Variants in PCDHGB4 observed in about 807,000 individuals in gnomAD.
PCDHGB4 encodes protocadherin gamma-B4.
A neutral mutation model predicts 60.5 loss-of-function variants in PCDHGB4; 38 were observed. The observed-to-expected ratio is 0.63, with a 90% CI of 0.48 to 0.82. The LOEUF is 0.82. Among genes scored for constraint, PCDHGB4 ranks in the 40% least tolerant of loss-of-function variants. The probability of loss-of-function intolerance (pLI) is 0.00; values close to 1 mark genes in which losing one functional copy is unlikely to be tolerated. For synonymous variants in PCDHGB4, 456 were observed against 509.7 expected, an observed-to-expected ratio of 0.89 and a Z score of 1.42; for missense variants, 1,109 against 1,209.6, an observed-to-expected ratio of 0.92 and a Z score of 1.23.
intron 1 of PCDHGB4, among the ~76,000 whole-genome samples, chr5:141,434,340 G>A (rs2097687601): frequency 6.6e-6 from 1 of 152,150 alleles, no homozygotes; most frequent in Non-Finnish European, 1.5e-5. Context: ...TTTGTGTCGG[G>A]AACAGGCCCC....
chr5:141,389,882 G>A lies in PCDHGB4; in HGVS notation c.1998G>A (p.Leu666=). The A allele has an allele frequency of 6.2e-7, 1 of 1,614,082 alleles. No homozygotes were observed. The highest frequency in any genetic ancestry group is 8.5e-7 in the Non-Finnish European group (1 of 1,179,910). The stretch of plus-strand genomic sequence containing the variant: ...TGCACCTGGTCTTCGCCGACAGCTT[G>A]CAGGAGGTGCTGCCGGATATCACTG... The part of the protein sequence containing the change: ...ATLHLVFADS[L]QEVLPDITDR... Residue 666 remains leucine (L), a synonymous_variant, in exon 1 of 4, where the codon TTG becomes TTA. Coordinates refer to ENST00000519479, the MANE Select transcript of PCDHGB4 (RefSeq NM_003736.4).
At chr5:141,419,567 G>A in intron 1 of PCDHGB4, 1 of 1,611,758 alleles carries the variant, frequency 6.2e-7, no homozygotes, top group Non-Finnish European at 8.5e-7. Context: ...GCTGGGTCCC[G>A]ACGGCTCCGC....
chr5:141,403,202 T>A, intron 1 of PCDHGB4: 4 of 1,613,984 alleles, frequency 2.5e-6, no homozygotes, highest in Non-Finnish European at 3.4e-6. Context: ...CAGCGGCACC[T>A]TGGTCACCGC....
chr5:141,394,077 G>T (rs2092915591), intron 1 of PCDHGB4: 2 of 1,613,828 alleles, frequency 1.2e-6, no homozygotes, highest in Non-Finnish European at 1.7e-6. Context: ...CAATATCACA[G>T]TGATGGCCTC....
At chr5:141,420,672 G>T (rs1478670282) in intron 1 of PCDHGB4, among the ~76,000 whole-genome samples, 1 of 152,296 alleles carries the variant, frequency 6.6e-6, no homozygotes, top group African/African-American at 2.4e-5. Flanking sequence ...CCTACCTGAT[G>T]ATTTTATCGG....
chr5:141,492,911 G>A (rs1008138353), intron 1 of PCDHGB4, among the ~76,000 whole-genome samples: 1 of 152,216 alleles, frequency 6.6e-6, no homozygotes, highest in Admixed American at 6.5e-5. Context: ...TGATCACAAT[G>A]TGCCCAGCGA....
rs142628885 is a variant in PCDHGB4 at position 141,404,093 on chromosome 5, C to T, written c.2397+13812C>T. ...TGACCGAGACTCCGGGAAGAATGGT[C>T]AAGTTGTCTGTTCTATCCAGGAGAA... On this transcript the variant is annotated intron_variant, in intron 1 of 3. Coordinates refer to ENST00000519479, the MANE Select transcript of PCDHGB4 (RefSeq NM_003736.4). The T allele has an allele frequency of 9.4e-5, 152 of 1,613,326 alleles. 2 individuals carry two copies. In the East Asian group the frequency reaches 3.4e-3, roughly 36 times the overall value.
At chr5:141,433,358 CCTATCTATCTATCTATCTAT>C (rs3074541) in intron 1 of PCDHGB4, 19 of 503,934 alleles carry the variant, frequency 3.8e-5, no homozygotes, top group South Asian at 2.3e-4. Flanking sequence ...CTACTGTCTG[CCTATCTATCTATCTATCTAT>C]CTATCTATCT....
At chr5:141,409,511 A>C in intron 1 of PCDHGB4, 1 of 1,614,018 alleles carries the variant, frequency 6.2e-7, no homozygotes, top group Non-Finnish European at 8.5e-7. Flanking sequence ...TTCCAGTAGA[A>C]GCATCACCTT....
chr5:141,511,537 A>G lies in PCDHGB4; in HGVS notation c.*364A>G. 2 of 319,256 alleles carry G rather than the reference A, an allele frequency of 6.3e-6. No individual in the cohort carries two copies. Among genetic ancestry groups the G allele is most frequent in the South Asian group, 3.3e-5 (1 of 29,854 alleles). 19.8% of individuals were successfully genotyped at this position (319,256 alleles called of 1,614,324 possible). A position where few individuals can be genotyped will look rare whatever the true frequency, so the allele number is the denominator to read the frequency against. On this transcript the variant is annotated 3_prime_UTR_variant, in exon 4 of 4. Coordinates refer to ENST00000519479, the MANE Select transcript of PCDHGB4 (RefSeq NM_003736.4). ...TCCATCCCATGCCTCCCTCCTCCCC[A>G]CCCCACTCCAACAGTTCCTCTTTCC... is the stretch of plus-strand genomic sequence containing the variant.
At chr5:141,456,421 A>C (rs1358944131) in intron 1 of PCDHGB4, among the ~76,000 whole-genome samples, 1 of 152,150 alleles carries the variant, frequency 6.6e-6, no homozygotes, top group Non-Finnish European at 1.5e-5. Context: ...GAAACAATTC[A>C]AGTTATAGTA....
chr5:141,504,161 T>C (rs931754061), intron 2 of PCDHGB4, among the ~76,000 whole-genome samples: 1 of 152,196 alleles, frequency 6.6e-6, no homozygotes, highest in Non-Finnish European at 1.5e-5. Context: ...AATAATTTCA[T>C]CCTTGGAAAT....
chr5:141,437,000 G>A (rs1197061999), intron 1 of PCDHGB4, among the ~76,000 whole-genome samples: 1 of 152,198 alleles, frequency 6.6e-6, no homozygotes, highest in Non-Finnish European at 1.5e-5. Flanking sequence ...TTACTTCAAT[G>A]GGATCTTAGA....
At chr5:141,418,877 G>T in intron 1 of PCDHGB4, 1 of 1,613,960 alleles carries the variant, frequency 6.2e-7, no homozygotes, top group Non-Finnish European at 8.5e-7. Context: ...AGTTGTAGAC[G>T]AAAACGACAA....
chr5:141,403,577 C>A (rs1188693688), intron 1 of PCDHGB4: 5 of 1,613,812 alleles, frequency 3.1e-6, no homozygotes, highest in Non-Finnish European at 3.4e-6. Context: ...AACTGCCCAC[C>A]ACCTGGTCCT....
At chr5:141,458,132 G>C (rs2098938269) in intron 1 of PCDHGB4, among the ~76,000 whole-genome samples, 1 of 152,218 alleles carries the variant, frequency 6.6e-6, no homozygotes, top group South Asian at 2.1e-4. Flanking sequence ...GAACCAGGCA[G>C]AGAAAAATGA....
intron 1 of PCDHGB4, chr5:141,403,538 C>T (rs781129314): frequency 1.5e-5 from 24 of 1,613,874 alleles, no homozygotes; most frequent in Non-Finnish European, 1.5e-5. Flanking sequence ...AGAGCTGGTG[C>T]TGGAGCGCGC....
chr5:141,394,537 T>C, intron 1 of PCDHGB4: 1 of 1,614,146 alleles, frequency 6.2e-7, no homozygotes, highest in Non-Finnish European at 8.5e-7. Flanking sequence ...TCCACTGGCG[T>C]GGAGCTGGCG....
chr5:141,402,610 G>A (rs900326336), intron 1 of PCDHGB4, among the ~76,000 whole-genome samples: 1 of 152,168 alleles, frequency 6.6e-6, no homozygotes, highest in Admixed American at 6.5e-5. Context: ...AAATACAAAT[G>A]CAAGAAACAA....
Sources: allele counts gnomAD v4.1 joint callset (sites outside exome capture counted in the v4.1 genomes callset), GRCh38; gene constraint gnomAD v4.1.1; transcripts MANE v1.5; gene names NCBI Gene and HGNC (gene_info 2026-07-23, HGNC 2026-07-21).